PPARGC1B: variants seen among roughly 807,000 people sequenced by gnomAD.
PPARGC1B encodes the protein PPARG coactivator 1 beta, also known as peroxisome proliferator-activated receptor gamma coactivator 1-beta.
PPARGC1B carries 34 observed loss-of-function variants against 101.6 expected under a neutral mutation model. The ratio of observed to expected loss-of-function variants is 0.33; its 90% CI spans 0.25 to 0.45. PPARGC1B has a LOEUF of 0.45. PPARGC1B is among the 20% of genes least tolerant of loss of function. PPARGC1B has a pLI of 1.00. For synonymous variants in PPARGC1B, 548 were observed against 539.3 expected (o/e 1.02, Z -0.22); for missense variants, 1,234 against 1,317.6 (o/e 0.94, Z 0.98).
chr5:149,847,254 CCT>C (rs1759600320), intron 11 of PPARGC1B: 1 of 706,504 alleles, frequency 1.4e-6, no homozygotes, highest in African/African-American at 1.8e-5. Flanking sequence ...CAGCCAAGGC[CCT>C]GAGACACTGA....
intron 1 of PPARGC1B, among the ~76,000 whole-genome samples, chr5:149,759,005 C>T (rs1266889456): frequency 6.6e-6 from 1 of 152,092 alleles, no homozygotes; most frequent in East Asian, 1.9e-4. Context: ...TAAAGAACTG[C>T]AGATATACCC....
Position 149,814,045 on chromosome 5 carries a change from G to A in PPARGC1B, c.79-6388G>A, listed in dbSNP as rs572724005. Among the ~76,000 whole-genome samples, 5 of 152,314 alleles carry A rather than the reference G, an allele frequency of 3.3e-5. No individual in the cohort carries two copies. The East Asian group carries it at 5.8e-4, about 18-fold the overall frequency. On this transcript the variant is annotated intron_variant, in intron 1 of 11. Transcript: ENST00000309241. ...TTGCGGGATCACAAACATTCAGACC[G>A]TAGTAATCTGTGACCACCACTCATG...
intron 3 of PPARGC1B, 90 bp from the exon 4 acceptor site, chr5:149,830,677 C>A: frequency 1.1e-6 from 1 of 915,436 alleles, no homozygotes; most frequent in Non-Finnish European, 1.8e-6. Flanking sequence ...CCTGTGATGC[C>A]CAAGGTCAGT....
chr5:149,751,902 T>C (rs1755322406), intron 1 of PPARGC1B, among the ~76,000 whole-genome samples: 1 of 152,162 alleles, frequency 6.6e-6, no homozygotes, highest in South Asian at 2.1e-4. Flanking sequence ...GGGGAGAACA[T>C]AGACGGTAGT....
chr5:149,793,629 G>A (rs1262633739), intron 1 of PPARGC1B, among the ~76,000 whole-genome samples: 1 of 152,142 alleles, frequency 6.6e-6, no homozygotes, highest in Non-Finnish European at 1.5e-5. Flanking sequence ...TCAGACCCCA[G>A]TGCCACTTGT....
At position 149,743,155 on chromosome 5, in the gene PPARGC1B, C is replaced by A. The variant is rs181291943; in HGVS notation, c.78+12735C>A. 5.1e-4 allele frequency among the ~76,000 whole-genome samples: 69 copies of A among 134,360 alleles called. 1 individual carries two copies. The highest frequency in any genetic ancestry group is 1.8e-3 in the African/African-American group (68 of 36,828). 88.1% of individuals were successfully genotyped at this position (134,360 alleles called of 152,430 possible). A position where few individuals can be genotyped will look rare whatever the true frequency, so the allele number is the denominator to read the frequency against. On this transcript the variant is annotated intron_variant, in intron 1 of 11. Transcript: ENST00000309241. ...TATAACCTTTGTTTATGTGTTTATT[C>A]TTTTTTTTTTTTTTTTTTGAGACAG...
chr5:149,745,622 CTT>C (rs1755059247), intron 1 of PPARGC1B, among the ~76,000 whole-genome samples: 2 of 152,136 alleles, frequency 1.3e-5, no homozygotes, highest in South Asian at 4.1e-4. Context: ...TCGAAAGCCT[CTT>C]TATAATAATG....
chr5:149,816,697 A>G lies in PPARGC1B; in HGVS notation c.79-3736A>G, dbSNP rs191522010. Among the ~76,000 whole-genome samples, 7 of 152,294 alleles carry G rather than the reference A, an allele frequency of 4.6e-5. No homozygotes were observed. In the East Asian group the frequency reaches 1.2e-3, roughly 25 times the overall value. On this transcript the variant is annotated intron_variant, in intron 1 of 11. Coordinates refer to ENST00000309241, the MANE Select transcript of PPARGC1B (RefSeq NM_133263.4). ...CCTACAAAGGTGGCTGCTCTGAGTT[A>G]CTGGAGAGAGGGAGATCTGGAACAT... is the stretch of plus-strand genomic sequence containing the variant.
intron 1 of PPARGC1B, chr5:149,739,942 G>A (rs1348084626): frequency 6.6e-6 from 1 of 152,288 alleles, no homozygotes; most frequent in Non-Finnish European, 1.5e-5. Context: ...AGGGTTGACA[G>A]GCTCTTGGTG....
intron 1 of PPARGC1B, among the ~76,000 whole-genome samples, chr5:149,790,700 C>T (rs1581056913): frequency 1.3e-5 from 2 of 152,284 alleles, no homozygotes; most frequent in East Asian, 3.9e-4. Flanking sequence ...TTTCCTGTCA[C>T]TCAGTGCATT....
At chr5:149,827,509 G>A (rs758757632) in intron 3 of PPARGC1B, among the ~76,000 whole-genome samples, 8 of 152,186 alleles carry the variant, frequency 5.3e-5, no homozygotes, top group Non-Finnish European at 1.2e-4. Flanking sequence ...GGGTATTTGT[G>A]TTGTTTCAAC....
intron 1 of PPARGC1B, among the ~76,000 whole-genome samples, chr5:149,742,040 G>GACAT (rs1463738689): frequency 4.6e-5 from 7 of 152,146 alleles, no homozygotes; most frequent in African/African-American, 1.7e-4. Context: ...GGTGGTGGTG[G>GACAT]TGATAACAGT....
chr5:149,847,666 G>A lies in PPARGC1B; in HGVS notation c.*108G>A. The A allele has an allele frequency of 1.3e-6, 1 of 781,846 alleles. No individual in the cohort carries two copies. Among genetic ancestry groups the A allele is most frequent in the Non-Finnish European group, 2.1e-6 (1 of 469,314 alleles). 48.4% of individuals were successfully genotyped at this position (781,846 alleles called of 1,614,324 possible). ...ATATGAGGAGAGCGAGCGAGCGTGA[G>A]AGAACACCCGTGAGAGAGACTTGAA... On this transcript the variant is annotated 3_prime_UTR_variant, in exon 12 of 12. Transcript: ENST00000309241.
intron 1 of PPARGC1B, among the ~76,000 whole-genome samples, chr5:149,736,427 C>G (rs117546068): frequency 6.6e-6 from 1 of 151,910 alleles, no homozygotes; most frequent in East Asian, 1.9e-4. Context: ...GAAGGGTACC[C>G]AAATAAAGTC....
downstream of PPARGC1B, chr5:149,855,137 C>T (rs187525997): frequency 1.3e-5 from 2 of 152,210 alleles, no homozygotes; most frequent in East Asian, 1.9e-4. Flanking sequence ...GATAAGACCC[C>T]GGATGATGTC....
intron 1 of PPARGC1B, chr5:149,771,913 T>C: frequency 1.3e-5 from 12 of 947,596 alleles, no homozygotes; most frequent in Non-Finnish European, 1.8e-5. Context: ...CACTGAACGT[T>C]GTCCCCAAGC....
intron 1 of PPARGC1B, among the ~76,000 whole-genome samples, chr5:149,742,389 T>C (rs1250774578): frequency 1.3e-5 from 2 of 152,112 alleles, no homozygotes; most frequent in East Asian, 3.9e-4. Context: ...ATCCCCACAG[T>C]CTGCTACAGA....
At chr5:149,799,299 C>CT (rs1757342863) in intron 1 of PPARGC1B, among the ~76,000 whole-genome samples, 1 of 152,184 alleles carries the variant, frequency 6.6e-6, no homozygotes, top group African/African-American at 2.4e-5. Context: ...GGGATGAGCA[C>CT]TGGGCAGGCT....
At chr5:149,791,646 A>G (rs1757025233) in intron 1 of PPARGC1B, among the ~76,000 whole-genome samples, 1 of 152,106 alleles carries the variant, frequency 6.6e-6, no homozygotes, top group Admixed American at 6.5e-5. Flanking sequence ...TGGGTAGTAC[A>G]GAATATTGGT....
Sources: gnomAD v4.1 joint callset for allele counts (sites outside exome capture counted in the v4.1 genomes callset) on GRCh38, gnomAD v4.1.1 for gene constraint, MANE v1.5 for transcripts, NCBI Gene and HGNC (gene_info 2026-07-23, HGNC 2026-07-21) for gene names.